The following TMEM165 variants were observed in gnomAD, a reference collection of about 807,000 sequenced individuals.
The protein encoded by TMEM165 is transmembrane protein 165, also known as putative divalent cation/proton antiporter TMEM165.
Under a neutral mutation model 30.0 loss-of-function variants are expected in TMEM165, and 19 were observed. The ratio of observed to expected loss-of-function variants is 0.63; its 90% CI spans 0.44 to 0.93. The LOEUF (loss-of-function observed/expected upper bound fraction) is 0.93, where lower values mean the gene tolerates loss of function less well. TMEM165 is among the 40% of genes least tolerant of loss of function. TMEM165 has a pLI of 0.00. For synonymous variants in TMEM165, 168 were observed against 162.9 expected, an observed-to-expected ratio of 1.03 and a Z score of -0.24; for missense variants, 340 against 417.0, an observed-to-expected ratio of 0.82 and a Z score of 1.61.
chr4:55,441,937 G>T (rs541962732), intron 3 of TMEM165, among the ~76,000 whole-genome samples: 1 of 152,274 alleles, frequency 6.6e-6, no homozygotes, highest in South Asian at 2.1e-4. Context: ...ACTAGCTATA[G>T]ATCCCTTGGC....
chr4:55,413,610 T>C (rs2109545613), intron 2 of TMEM165, among the ~76,000 whole-genome samples: 1 of 152,378 alleles, frequency 6.6e-6, no homozygotes, highest in Middle Eastern at 3.4e-3. Context: ...CTACCACGCC[T>C]GGCCCCTGGC....
At chr4:55,418,719 A>G (rs1721842388) in intron 4 of TMEM165, among the ~76,000 whole-genome samples, 1 of 152,162 alleles carries the variant, frequency 6.6e-6, no homozygotes, top group African/African-American at 2.4e-5. Context: ...TTTCAGTGAC[A>G]TGGAAAAATT....
At chr4:55,416,889 C>G (rs947839644) in intron 2 of TMEM165, 183 bp from the exon 3 acceptor site, 52 of 526,508 alleles carry the variant, frequency 9.9e-5, no homozygotes, top group Middle Eastern at 5.1e-4. Flanking sequence ...CTGGGCTAGA[C>G]CTAATGGTTT....
At chr4:55,406,925 G>A (rs1361163208) in intron 1 of TMEM165, among the ~76,000 whole-genome samples, 1 of 152,168 alleles carries the variant, frequency 6.6e-6, no homozygotes, top group African/African-American at 2.4e-5. Context: ...CAAAGTGCTG[G>A]GATTACAGGC....
In TMEM165 at chr4:55,420,146, T is replaced by TTTATTTATTTA. The variant is rs60110155; in HGVS notation, c.792+2163_792+2164insATTTATTTATT. Among the ~76,000 whole-genome samples, 336 of 41,612 alleles carry TTTATTTATTTA rather than the reference T, an allele frequency of 8.1e-3. 27 individuals carry two copies. Among genetic ancestry groups the TTTATTTATTTA allele is most frequent in the Middle Eastern group, 0.034 (2 of 58 alleles). The allele number at this position is 41,612 out of a possible 152,430, so 27.3% of individuals were successfully genotyped here. A position where few individuals can be genotyped will look rare whatever the true frequency, so the allele number is the denominator to read the frequency against. Reference sequence around the variant, plus strand: ...ACATATATATTTATTTATTTATTTATTTTATTTATTTATTTAATGGCTGTA... The same window carrying TTTATTTATTTA: ...ACATATATATTTATTTATTTATTTATTTATTTATTTATTTATTTATTTATTTAATGGCTGTA... On this transcript the variant is annotated intron_variant, in intron 4 of 5. Coordinates refer to ENST00000381334, the MANE Select transcript of TMEM165 (RefSeq NM_018475.5).
At chr4:55,405,518 C>CA (rs1338334198) in intron 1 of TMEM165, among the ~76,000 whole-genome samples, 1 of 152,176 alleles carries the variant, frequency 6.6e-6, no homozygotes, top group East Asian at 1.9e-4. Flanking sequence ...AACCAAACCC[C>CA]TTGTTTTTAT....
Position 55,425,566 on chromosome 4 carries a change from T to G in TMEM165, c.*114T>G, listed in dbSNP as rs1722161607. Reference sequence around the variant, plus strand: ...AATACTGTATTTTGTAGCACTGATTTTGTGAGTTTGACCCATTATTATGTC... The same window carrying G: ...AATACTGTATTTTGTAGCACTGATTGTGTGAGTTTGACCCATTATTATGTC... On this transcript the variant is annotated 3_prime_UTR_variant, in exon 6 of 6. Transcript: ENST00000381334. The G allele has an allele frequency of 2.5e-6, 2 of 804,114 alleles. No homozygotes were observed. Among genetic ancestry groups the G allele is most frequent in the South Asian group, 3.7e-5 (2 of 54,358 alleles). The allele number at this position is 804,114 out of a possible 1,614,324, so 49.8% of individuals were successfully genotyped here. A position where few individuals can be genotyped will look rare whatever the true frequency, so the allele number is the denominator to read the frequency against.
intron 2 of TMEM165, chr4:55,415,792 G>A (rs1475090475): frequency 6.6e-6 from 1 of 152,016 alleles, no homozygotes; most frequent in Non-Finnish European, 1.5e-5. Flanking sequence ...AGGCAGATTT[G>A]TAAGTGTTGC....
downstream of TMEM165, among the ~76,000 whole-genome samples, chr4:55,427,565 G>C (rs1722277732): frequency 6.6e-6 from 1 of 151,188 alleles, no homozygotes; most frequent in Non-Finnish European, 1.5e-5. Flanking sequence ...GGCTGGTCTT[G>C]AACTCATGAC....
At chr4:55,424,338 G>T in intron 4 of TMEM165, 200 bp from the exon 5 acceptor site, 1 of 516,626 alleles carries the variant, frequency 1.9e-6, no homozygotes, top group Non-Finnish European at 3.4e-6. Context: ...TCAACTTTTA[G>T]GTCTAGTCTT....
At chr4:55,414,533 C>G (rs913952131) in intron 2 of TMEM165, among the ~76,000 whole-genome samples, 1 of 152,024 alleles carries the variant, frequency 6.6e-6, no homozygotes, top group Non-Finnish European at 1.5e-5. Flanking sequence ...ATTTGTTGCA[C>G]TCATCAACCC....
At chr4:55,401,160 A>G (rs1484232602) in intron 1 of TMEM165, among the ~76,000 whole-genome samples, 1 of 149,046 alleles carries the variant, frequency 6.7e-6, no homozygotes, top group African/African-American at 2.5e-5. Flanking sequence ...AAGGTGACTG[A>G]ACTTCTAACA....
intron 4 of TMEM165, chr4:55,423,683 A>G (rs1344555551): frequency 6.5e-6 from 1 of 152,756 alleles, no homozygotes; most frequent in Non-Finnish European, 1.5e-5. Flanking sequence ...TCAGCCTCCC[A>G]AAGTGTTGGG....
rs1406466363 is a variant in TMEM165 at position 55,396,389 on chromosome 4, G to A, written c.200G>A (p.Arg67Gln). The change falls in exon 1 of 6, where the codon CGG becomes CAG. Residue 67 changes from arginine (R) to glutamine (Q), a missense_variant. Physicochemically the swap from Arg to Gln is conservative, Grantham distance 43. This residue lies in a region of TMEM165 where 120 missense variants were observed against 109.4 expected (regional missense o/e 1.10). Coordinates refer to ENST00000381334, the MANE Select transcript of TMEM165 (RefSeq NM_018475.5). ...PVAVQGPEPA[R>Q]VEKIFTPAAP... ...GCTGTGCAGGGCCCCGAGCCGGCCC[G>A]GGTCGAGGTGAGCGGGCCGGGATGG... is the stretch of plus-strand genomic sequence containing the variant. 1 of 1,484,072 alleles carries A rather than the reference G, an allele frequency of 6.7e-7. No individual in the cohort carries two copies. Among genetic ancestry groups the A allele is most frequent in the Non-Finnish European group, 8.9e-7 (1 of 1,122,942 alleles). The allele number at this position is 1,484,072 out of a possible 1,614,324, so 91.9% of individuals were successfully genotyped here. A position where few individuals can be genotyped will look rare whatever the true frequency, so the allele number is the denominator to read the frequency against.
chr4:55,421,124 G>A (rs1305963264), intron 4 of TMEM165, among the ~76,000 whole-genome samples: 6 of 123,470 alleles, frequency 4.9e-5, no homozygotes, highest in Admixed American at 2.0e-4. Context: ...CCGAGATCGC[G>A]CCACTGCACT....
chr4:55,411,974 C>T, intron 2 of TMEM165, 135 bp downstream of exon 2: 1 of 699,646 alleles, frequency 1.4e-6, no homozygotes, highest in Non-Finnish European at 2.5e-6. Flanking sequence ...CCAACCTTTT[C>T]CTTGTGTATC....
chr4:55,439,845 GAGA>G (rs1267850912), intron 3 of TMEM165, among the ~76,000 whole-genome samples: 2 of 152,254 alleles, frequency 1.3e-5, no homozygotes, highest in African/African-American at 4.8e-5. Flanking sequence ...TGGTTGGGGA[GAGA>G]AGAATGGGGA....
intron 1 of TMEM165, among the ~76,000 whole-genome samples, chr4:55,400,483 G>T (rs1431727805): frequency 6.9e-6 from 1 of 144,208 alleles, no homozygotes; most frequent in African/African-American, 2.6e-5. Flanking sequence ...TGTCGCCCAG[G>T]CTGGAGTGCA....
chr4:55,436,892 C>CTTTTTTTTTT (rs35888413), intron 3 of TMEM165, among the ~76,000 whole-genome samples: 1 of 98,366 alleles, frequency 1.0e-5, no homozygotes, highest in African/African-American at 3.7e-5. Context: ...TTTGGGATGC[C>CTTTTTTTTTT]TTTTTTTTTT....
Sources: gnomAD v4.1 joint callset for allele counts (sites outside exome capture counted in the v4.1 genomes callset) on GRCh38, gnomAD v4.1.1 for gene constraint, gnomAD v4.1.1 regional missense constraint, MANE v1.5 for transcripts, NCBI Gene and HGNC (gene_info 2026-07-23, HGNC 2026-07-21) for gene names.